TMEM38B: variants seen among roughly 807,000 people sequenced by gnomAD.
TMEM38B encodes trimeric intracellular cation channel type B.
Under a neutral mutation model 28.7 loss-of-function variants are expected in TMEM38B, and 24 were observed. That is an observed-to-expected ratio of 0.84 (90% CI 0.61 to 1.18). The LOEUF (loss-of-function observed/expected upper bound fraction) is 1.18, where lower values mean the gene tolerates loss of function less well. Among genes scored for constraint, TMEM38B ranks in the 50% most tolerant of loss-of-function variants. The pLI, the probability that TMEM38B is intolerant of heterozygous loss-of-function variation, is 0.00. For missense variants in TMEM38B, 380 were observed against 350.9 expected (o/e 1.08, Z -0.66); for synonymous variants, 131 against 127.7 (o/e 1.03, Z -0.17).
At chr9:105,709,170 C>T (rs1018548313) in intron 2 of TMEM38B, among the ~76,000 whole-genome samples, 1 of 152,056 alleles carries the variant, frequency 6.6e-6, no homozygotes, top group African/African-American at 2.4e-5. Flanking sequence ...TTATAGCACC[C>T]AGTCTCGTTT....
rs763757507 is a variant in TMEM38B at position 105,773,908 on chromosome 9, C to T, written c.704C>T (p.Pro235Leu). 4.3e-6 allele frequency: 7 copies of T among 1,613,716 alleles called. No homozygotes were observed. The South Asian group carries it at 7.7e-5, about 18-fold the overall frequency. Residue 235 changes from proline to leucine, a missense_variant, in exon 6 of 6, where the codon CCT (proline) becomes CTT (leucine). Transcript: ENST00000374692. ...TTQTSTMTFA[P>L]FEDTLSWMLF... is the part of the protein sequence containing the mutation. ...CAGACTTCTACTATGACATTTGCTC[C>T]TTTTGAGGATACATTGAGTTGGATG...
chr9:105,734,522 T>C (rs1217444396), intron 4 of TMEM38B, among the ~76,000 whole-genome samples: 1 of 152,064 alleles, frequency 6.6e-6, no homozygotes, highest in Non-Finnish European at 1.5e-5. Flanking sequence ...TGATATGTGT[T>C]GAAAGTGAGG....
intron 1 of TMEM38B, among the ~76,000 whole-genome samples, chr9:105,700,531 A>G (rs1366358796): frequency 6.6e-6 from 1 of 152,202 alleles, no homozygotes; most frequent in African/African-American, 2.4e-5. Context: ...AAAATTTCTT[A>G]CTATTCTGTG....
chr9:105,712,724 G>A (rs1003224954), intron 2 of TMEM38B, among the ~76,000 whole-genome samples: 1 of 152,342 alleles, frequency 6.6e-6, no homozygotes, highest in Non-Finnish European at 1.5e-5. Context: ...TACTATAAAT[G>A]ATGACAGCCG....
intron 5 of TMEM38B, chr9:105,760,516 A>G: frequency 1.3e-6 from 1 of 744,174 alleles, no homozygotes; most frequent in South Asian, 1.5e-5. Context: ...TGAAAAGCAA[A>G]AAGTTTCTAC....
chr9:105,772,056 C>A (rs375687108), intron 5 of TMEM38B, among the ~76,000 whole-genome samples: 3 of 152,186 alleles, frequency 2.0e-5, no homozygotes, highest in African/African-American at 7.2e-5. Flanking sequence ...TACAGTGTAA[C>A]CCTTTTGGGG....
In TMEM38B at chr9:105,775,701, A is replaced by G. The variant is rs545552456; in HGVS notation, c.*1621A>G. 232 of 152,244 alleles carry G rather than the reference A, an allele frequency of 1.5e-3. No individual in the cohort carries two copies. Among genetic ancestry groups the G allele is most frequent in the African/African-American group, 5.4e-3 (223 of 41,570 alleles). The allele number at this position is 152,244 out of a possible 1,614,324, so 9.4% of individuals were successfully genotyped here. On this transcript the variant is annotated 3_prime_UTR_variant, in exon 6 of 6. Transcript: ENST00000374692. The stretch of plus-strand genomic sequence containing the variant: ...GTTAAAAACTTTTCAAAATTAATAC[A>G]TTGTTAATTATTGACCAGTTTTGAA...
rs543099942 is a variant in TMEM38B, at chr9:105,734,539, C to T, written c.542+11918C>T. Among the ~76,000 whole-genome samples the T allele has an allele frequency of 3.9e-5, 6 of 152,128 alleles. No individual in the cohort carries two copies. The East Asian group carries it at 7.7e-4, about 20-fold the overall frequency. ...ATATGTGTTGAAAGTGAGGTATTGACGTACCCTACTATTATTGTATTGCTG... is the reference window on the plus strand; with the variant it reads ...ATATGTGTTGAAAGTGAGGTATTGATGTACCCTACTATTATTGTATTGCTG... On this transcript the variant is annotated intron_variant, in intron 4 of 5. Coordinates refer to ENST00000374692, the MANE Select transcript of TMEM38B (RefSeq NM_018112.3).
At chr9:105,695,309 T>C (rs1328186530) in intron 1 of TMEM38B, among the ~76,000 whole-genome samples, 2 of 152,222 alleles carry the variant, frequency 1.3e-5, no homozygotes, top group African/African-American at 4.8e-5. Context: ...GTACAAGCAC[T>C]GAAACAAAAA....
At chr9:105,720,244 A>G (rs1422837919) in intron 2 of TMEM38B, among the ~76,000 whole-genome samples, 1 of 152,078 alleles carries the variant, frequency 6.6e-6, no homozygotes, top group Non-Finnish European at 1.5e-5. Context: ...ATTCAGGGCT[A>G]CTTTTCATCA....
intron 4 of TMEM38B, among the ~76,000 whole-genome samples, chr9:105,746,759 C>G (rs10978233): frequency 6.6e-6 from 1 of 151,990 alleles, no homozygotes; most frequent in Admixed American, 6.6e-5. Flanking sequence ...CCCATCAGTA[C>G]CTAATTTATT....
intron 5 of TMEM38B, among the ~76,000 whole-genome samples, chr9:105,757,228 A>G (rs1468287146): frequency 6.6e-6 from 1 of 152,168 alleles, no homozygotes; most frequent in Non-Finnish European, 1.5e-5. Flanking sequence ...TGCAAATGCC[A>G]TTATTTTATT....
chr9:105,755,606 T>A (rs1013520107), intron 5 of TMEM38B, among the ~76,000 whole-genome samples: 1 of 152,202 alleles, frequency 6.6e-6, no homozygotes, highest in Non-Finnish European at 1.5e-5. Context: ...AGAAGCCAGC[T>A]CTTATTTTGA....
At chr9:105,724,943 A>G (rs552699783) in intron 4 of TMEM38B, among the ~76,000 whole-genome samples, 11 of 152,252 alleles carry the variant, frequency 7.2e-5, no homozygotes, top group African/African-American at 1.4e-4. Flanking sequence ...CAAACGGCCT[A>G]TAAGTCCCTC....
At chr9:105,748,874 C>A (rs1367175847) in intron 5 of TMEM38B, among the ~76,000 whole-genome samples, 1 of 152,116 alleles carries the variant, frequency 6.6e-6, no homozygotes, top group Non-Finnish European at 1.5e-5. Flanking sequence ...AAGTATTGTT[C>A]CCTATTCGCA....
chr9:105,735,978 C>G (rs899823266), intron 4 of TMEM38B, among the ~76,000 whole-genome samples: 1 of 152,094 alleles, frequency 6.6e-6, no homozygotes, highest in African/African-American at 2.4e-5. Flanking sequence ...GTGATCTTCC[C>G]CTCCTCAGCC....
At chr9:105,721,137 C>G (rs544216069) in intron 2 of TMEM38B, among the ~76,000 whole-genome samples, 2 of 152,158 alleles carry the variant, frequency 1.3e-5, no homozygotes, top group Non-Finnish European at 2.9e-5. Flanking sequence ...GACCCTTTCT[C>G]TAATTCATTT....
chr9:105,764,975 A>G (rs911488310), intron 5 of TMEM38B, among the ~76,000 whole-genome samples: 2 of 152,196 alleles, frequency 1.3e-5, no homozygotes, highest in Admixed American at 6.5e-5. Flanking sequence ...AAAACAAGCA[A>G]TGGGGGAAGG....
At chr9:105,711,541 C>A (rs1835903610) in intron 2 of TMEM38B, among the ~76,000 whole-genome samples, 1 of 151,472 alleles carries the variant, frequency 6.6e-6, no homozygotes, top group African/African-American at 2.4e-5. Context: ...TAACCACTAC[C>A]CAAATCAAGA....
Sources: allele counts gnomAD v4.1 joint callset (sites outside exome capture counted in the v4.1 genomes callset), GRCh38; gene constraint gnomAD v4.1.1; transcripts MANE v1.5; gene names NCBI Gene and HGNC (gene_info 2026-07-23, HGNC 2026-07-21).